ADAM22: variants seen among roughly 807,000 people sequenced by gnomAD.
ADAM22 encodes ADAM metallopeptidase domain 22.
ADAM22 carries 65 observed loss-of-function variants against 144.6 expected under a neutral mutation model. The observed-to-expected ratio is 0.45, with a 90% CI of 0.37 to 0.55. The LOEUF is 0.55. ADAM22 is among the 20% of genes least tolerant of loss of function. The probability of loss-of-function intolerance (pLI) is 0.00; values close to 1 mark genes in which losing one functional copy is unlikely to be tolerated. For missense variants in ADAM22, 974 were observed against 1,184.9 expected (o/e 0.82, Z 2.61); for synonymous variants, 391 against 412.6 (o/e 0.95, Z 0.63).
intron 3 of ADAM22, among the ~76,000 whole-genome samples, chr7:88,052,520 ATGC>A (rs1318234859): frequency 2.0e-5 from 3 of 151,972 alleles, no homozygotes; most frequent in African/African-American, 4.8e-5. Context: ...AAGTTCCCAG[ATGC>A]TGCTATTTGA....
intron 6 of ADAM22, 54 bp downstream of exon 6, chr7:88,114,701 T>C: frequency 2.6e-6 from 4 of 1,534,990 alleles, no homozygotes; most frequent in Non-Finnish European, 3.6e-6. Flanking sequence ...GCTGAGAGCT[T>C]TTTTCCTCTC....
chr7:88,090,836 G>C (rs558342609), intron 4 of ADAM22, among the ~76,000 whole-genome samples: 2 of 152,182 alleles, frequency 1.3e-5, no homozygotes, highest in African/African-American at 4.8e-5. Flanking sequence ...TGCAGATAGG[G>C]CCAACACAGG....
At chr7:88,118,629 A>G (rs1454837161) in intron 7 of ADAM22, among the ~76,000 whole-genome samples, 4 of 135,866 alleles carry the variant, frequency 2.9e-5, no homozygotes, top group East Asian at 3.0e-4. Flanking sequence ...TTGCTAGGAT[A>G]TAACCTTATA....
chr7:88,116,662 T>C, intron 6 of ADAM22, 83 bp from the exon 7 acceptor site: 6 of 1,166,098 alleles, frequency 5.1e-6, no homozygotes, highest in Non-Finnish European at 7.6e-6. Context: ...TGTGGTTCTT[T>C]TAAGGGTCTC....
At chr7:87,947,236 A>G (rs2131341501) in intron 2 of ADAM22, among the ~76,000 whole-genome samples, 1 of 152,354 alleles carries the variant, frequency 6.6e-6, no homozygotes, top group South Asian at 2.1e-4. Flanking sequence ...AAAGATTATG[A>G]AAGCTTTGAT....
chr7:88,056,733 G>T lies in ADAM22; in HGVS notation c.324-18893G>T, dbSNP rs1232403706. 2.0e-5 allele frequency among the ~76,000 whole-genome samples: 3 copies of T among 152,128 alleles called. No individual in the cohort carries two copies. In the South Asian group the frequency reaches 6.2e-4, roughly 31 times the overall value. On this transcript the variant is annotated intron_variant, in intron 3 of 31. Coordinates refer to ENST00000413139, the MANE Select transcript of ADAM22 (RefSeq NM_001324418.2). The stretch of plus-strand genomic sequence containing the variant: ...CAAAAAATTTAGTAATTTTCCACAA[G>T]AAAATTCACTCCTAAAAGGTTGTCC...
chr7:88,027,572 T>C (rs1317543225), intron 3 of ADAM22, among the ~76,000 whole-genome samples: 1 of 152,210 alleles, frequency 6.6e-6, no homozygotes, highest in Admixed American at 6.5e-5. Flanking sequence ...CAGGATCAAT[T>C]GACTCTTTTC....
intron 3 of ADAM22, among the ~76,000 whole-genome samples, chr7:88,034,468 A>T (rs1236965653): frequency 1.3e-5 from 2 of 152,090 alleles, no homozygotes; most frequent in African/African-American, 4.8e-5. Context: ...AGAAGGAAGA[A>T]GTCTTTTTTG....
At chr7:87,993,725 C>A (rs1790443438) in intron 3 of ADAM22, among the ~76,000 whole-genome samples, 1 of 152,198 alleles carries the variant, frequency 6.6e-6, no homozygotes, top group Admixed American at 6.5e-5. Context: ...CTGGTTCTAT[C>A]CCCCTTCTCA....
chr7:87,941,569 C>G (rs1487668586), intron 2 of ADAM22, among the ~76,000 whole-genome samples: 1 of 151,986 alleles, frequency 6.6e-6, no homozygotes, highest in Non-Finnish European at 1.5e-5. Context: ...TGCCACCAAT[C>G]AGAACTTTGT....
At chr7:88,017,907 AT>A (rs536408670) in intron 3 of ADAM22, among the ~76,000 whole-genome samples, 14 of 151,718 alleles carry the variant, frequency 9.2e-5, no homozygotes, top group Non-Finnish European at 1.8e-4. Flanking sequence ...TTTGTTTTAC[AT>A]TTTTTTTCTC....
At chr7:88,082,514 G>T (rs1817036989) in intron 4 of ADAM22, among the ~76,000 whole-genome samples, 1 of 152,152 alleles carries the variant, frequency 6.6e-6, no homozygotes, top group African/African-American at 2.4e-5. Context: ...AAGAGCTTCT[G>T]CACAGCAAAA....
chr7:88,080,175 A>G (rs1021785284), intron 4 of ADAM22, among the ~76,000 whole-genome samples: 9 of 152,198 alleles, frequency 5.9e-5, no homozygotes, highest in Non-Finnish European at 8.8e-5. Flanking sequence ...TCAAACCAGA[A>G]CTCAGGATTA....
chr7:88,145,702 A>C (rs185426818), intron 17 of ADAM22, among the ~76,000 whole-genome samples, 195 bp downstream of exon 17: 1 of 152,302 alleles, frequency 6.6e-6, no homozygotes, highest in Non-Finnish European at 1.5e-5. Context: ...CTAAAAGATG[A>C]GAATACTAAG....
Position 87,934,258 on chromosome 7 carries a change from C to T in ADAM22, c.-208C>T, listed in dbSNP as rs895076864. On this transcript the variant is annotated 5_prime_UTR_variant, in exon 1 of 32. Transcript: ENST00000413139. The stretch of plus-strand genomic sequence containing the variant: ...CCAACCGCCCAATGCAGCACTCGCT[C>T]GCTCCCCCCGCCAGCGGAAGCGTCC... 9.8e-6 allele frequency: 5 copies of T among 508,400 alleles called. No individual in the cohort carries two copies. The highest frequency in any genetic ancestry group is 1.4e-5 in the Non-Finnish European group (4 of 292,840). The allele number at this position is 508,400 out of a possible 1,614,324, so 31.5% of individuals were successfully genotyped here. A position where few individuals can be genotyped will look rare whatever the true frequency, so the allele number is the denominator to read the frequency against.
intron 27 of ADAM22, among the ~76,000 whole-genome samples, chr7:88,179,912 G>A (rs1846568770): frequency 1.3e-5 from 2 of 152,070 alleles, no homozygotes; most frequent in South Asian, 4.1e-4. Flanking sequence ...AAAAGGTTTG[G>A]TAGCCCTGCT....
In ADAM22 at chr7:88,181,565, C is replaced by T; in HGVS notation, c.2556C>T (p.Asp852=). 6.2e-7 allele frequency: 1 copy of T among 1,613,856 alleles called. No homozygotes were observed. Among genetic ancestry groups the T allele is most frequent in the African/African-American group, 1.3e-5 (1 of 75,026 alleles). ...ERIPDTKHIS[D]ICENGRPRSN... Reference sequence around the variant, plus strand: ...TTCCAGACACAAAACATATTTCAGACATCTGTGAAAATGGGCGACCTCGAA... The same window carrying T: ...TTCCAGACACAAAACATATTTCAGATATCTGTGAAAATGGGCGACCTCGAA... Residue 852 remains aspartate (D), a synonymous_variant, in exon 28 of 32, where the codon GAC becomes GAT. Transcript: ENST00000413139.
At chr7:88,024,391 G>A (rs1454358696) in intron 3 of ADAM22, among the ~76,000 whole-genome samples, 1 of 152,128 alleles carries the variant, frequency 6.6e-6, no homozygotes, top group East Asian at 1.9e-4. Flanking sequence ...TTTAACTGGG[G>A]TGAGATGATA....
chr7:88,197,468 T>TC lies in ADAM22; in HGVS notation c.*979dup, dbSNP rs1174655254. On this transcript the variant is annotated 3_prime_UTR_variant, in exon 32 of 32. Transcript: ENST00000413139. ...TGCTCCCTGGAAATCATCTATCCCA[T>TC]CCGTCCATCCCATCTCATCCCAGTG... is the stretch of plus-strand genomic sequence containing the variant. 1.3e-5 allele frequency: 2 copies of TC among 152,180 alleles called. No individual in the cohort carries two copies. The highest frequency in any genetic ancestry group is 4.8e-5 in the African/African-American group (2 of 41,438). The allele number at this position is 152,180 out of a possible 1,614,324, so 9.4% of individuals were successfully genotyped here.
Sources: gnomAD v4.1 joint callset for allele counts (sites outside exome capture counted in the v4.1 genomes callset) on GRCh38, gnomAD v4.1.1 for gene constraint, MANE v1.5 for transcripts, NCBI Gene and HGNC (gene_info 2026-07-23, HGNC 2026-07-21) for gene names.